Variants in VWA3A observed in about 807,000 individuals in gnomAD.
VWA3A encodes von Willebrand factor A domain-containing protein 3A.
VWA3A carries 134 observed loss-of-function variants against 160.4 expected under a neutral mutation model. That is an observed-to-expected ratio of 0.84 (90% CI 0.73 to 0.96). VWA3A has a LOEUF of 0.96. Among genes scored for constraint, VWA3A ranks in the 40% least tolerant of loss-of-function variants. The pLI is 0.00. For missense variants in VWA3A, 1,310 were observed against 1,447.9 expected (o/e 0.90, Z 1.55); for synonymous variants, 476 against 543.4 (o/e 0.88, Z 1.72).
At chr16:22,100,749 G>A (rs529535291) in intron 5 of VWA3A, among the ~76,000 whole-genome samples, 11 of 151,468 alleles carry the variant, frequency 7.3e-5, no homozygotes, top group Admixed American at 1.3e-4. Flanking sequence ...TCTGAGGCAG[G>A]AGAATCGCTT....
intron 3 of VWA3A, among the ~76,000 whole-genome samples, chr16:22,098,936 AAAT>A (rs751264520): frequency 3.3e-5 from 5 of 150,806 alleles, no homozygotes; most frequent in Non-Finnish European, 4.4e-5. Context: ...AAAAAAAAAA[AAAT>A]ACACAAATTA....
At chr16:22,122,708 G>A (rs1418851802) in intron 14 of VWA3A, among the ~76,000 whole-genome samples, 1 of 152,188 alleles carries the variant, frequency 6.6e-6, no homozygotes, top group Non-Finnish European at 1.5e-5. Flanking sequence ...AACCTAAGAA[G>A]CTATGGCCAG....
chr16:22,148,949 AGTT>A (rs1316257194), intron 28 of VWA3A, among the ~76,000 whole-genome samples: 1 of 151,996 alleles, frequency 6.6e-6, no homozygotes, highest in Admixed American at 6.6e-5. Context: ...GAGTGGAGGA[AGTT>A]GTTTATTTTC....
chr16:22,132,382 C>CAA (rs775248257), intron 19 of VWA3A, among the ~76,000 whole-genome samples: 1 of 115,224 alleles, frequency 8.7e-6, no homozygotes. Flanking sequence ...AACTCCATCT[C>CAA]AAAAAAAAAA....
At chr16:22,141,076 G>A (rs2046138690) in intron 23 of VWA3A, 1 of 408,144 alleles carries the variant, frequency 2.5e-6, no homozygotes, top group African/African-American at 2.1e-5. Flanking sequence ...CTATTGTACT[G>A]ACAAAGGAAC....
intron 1 of VWA3A, among the ~76,000 whole-genome samples, chr16:22,094,680 G>A (rs982281000): frequency 3.3e-5 from 5 of 152,104 alleles, no homozygotes; most frequent in African/African-American, 1.2e-4. Context: ...AAGAACCAAG[G>A]CAGGTTGGGC....
chr16:22,127,326 A>G (rs1216317275), intron 17 of VWA3A, among the ~76,000 whole-genome samples: 24 of 151,960 alleles, frequency 1.6e-4, no homozygotes, highest in Admixed American at 1.2e-3. Flanking sequence ...GGGGTTCACC[A>G]TGTTGGCCAG....
chr16:22,099,546 G>A (rs1368025414), intron 3 of VWA3A, among the ~76,000 whole-genome samples: 3 of 152,202 alleles, frequency 2.0e-5, no homozygotes, highest in East Asian at 1.9e-4. Context: ...GTTAACGTAC[G>A]GAAAGTGCTT....
intron 11 of VWA3A, among the ~76,000 whole-genome samples, chr16:22,117,708 G>A (rs1276477823): frequency 2.6e-5 from 4 of 152,220 alleles, no homozygotes. Flanking sequence ...AAACATGTGT[G>A]TAGATCCATT....
intron 13 of VWA3A, 70 bp downstream of exon 13, chr16:22,121,173 C>A: frequency 6.2e-7 from 1 of 1,603,068 alleles, no homozygotes; most frequent in Admixed American, 1.7e-5. Flanking sequence ...CGGCCGGGCA[C>A]AGTGGCTCAC....
chr16:22,146,154 G>T, intron 26 of VWA3A, 82 bp from the exon 27 acceptor site: 1 of 1,147,840 alleles, frequency 8.7e-7, no homozygotes, highest in South Asian at 1.4e-5. Context: ...AACCACAATG[G>T]AATAAACAAT....
rs72640484 is a variant in VWA3A, at chr16:22,100,383, G to A, written c.351-33G>A. The A allele has an allele frequency of 0.02, 30,346 of 1,551,594 alleles. 3,446 individuals are homozygous for A. The East Asian group carries it at 0.39, about 20-fold the overall frequency. On this transcript the variant is annotated intron_variant, in intron 4 of 33. Coordinates refer to ENST00000389398, the MANE Select transcript of VWA3A (RefSeq NM_173615.5). Reference sequence around the variant, plus strand: ...GTGACACATGCAACCCCCTGGGCCCGAGAGATCCCCTCATAAGGCTTTGCT... The same window carrying A: ...GTGACACATGCAACCCCCTGGGCCCAAGAGATCCCCTCATAAGGCTTTGCT...
Position 22,116,843 on chromosome 16 carries a change from C to G in VWA3A, c.900C>G (p.Tyr300Ter), listed in dbSNP as rs756936848. 6.2e-7 allele frequency: 1 copy of G among 1,613,206 alleles called. No individual in the cohort carries two copies. The highest frequency in any genetic ancestry group is 1.1e-5 in the South Asian group (1 of 91,084). Residue 300 changes from tyrosine (Y) to a stop codon, truncating the protein, a stop_gained, in exon 10 of 34, where the codon TAC (tyrosine) becomes TAG (stop). Coordinates refer to ENST00000389398, the MANE Select transcript of VWA3A (RefSeq NM_173615.5). LOFTEE classifies it high-confidence loss of function. Reference sequence around the variant, plus strand: ...ACCTCATCATCCACTTCATCACCTACAGATGCGATGATCAGATGCCCCCTG... The same window carrying G: ...ACCTCATCATCCACTTCATCACCTAGAGATGCGATGATCAGATGCCCCCTG... ...GRDLIIHFIT[Y>*]RCDDQMPPAV...
chr16:22,128,629 G>A (rs560082495), intron 17 of VWA3A, among the ~76,000 whole-genome samples: 3 of 152,300 alleles, frequency 2.0e-5, no homozygotes, highest in South Asian at 2.1e-4. Flanking sequence ...ACAAATGCAT[G>A]TATATGTGCA....
chr16:22,102,638 CT>C, intron 5 of VWA3A, among the ~76,000 whole-genome samples: 2 of 152,300 alleles, frequency 1.3e-5, no homozygotes, highest in Non-Finnish European at 2.9e-5. Flanking sequence ...CCCCCAGCTA[CT>C]TTTCAGAAAC....
intron 12 of VWA3A, 92 bp from the exon 13 acceptor site, chr16:22,120,876 T>C: frequency 6.7e-7 from 1 of 1,494,276 alleles, no homozygotes; most frequent in Non-Finnish European, 9.1e-7. Context: ...TTTAAGAAGC[T>C]CCACTTGCAT....
rs1199792206 is a variant in VWA3A, at chr16:22,123,605, T to G, written c.1438-8T>G. On this transcript the variant is annotated splice_polypyrimidine_tract_variant and splice_region_variant and intron_variant, in intron 15 of 33. Transcript: ENST00000389398. Reference sequence around the variant, plus strand: ...AGCAGCCGCTCACTGTGGCCCACACTTCTGCAGCAACAGCTCAGCAGAGCT... The same window carrying G: ...AGCAGCCGCTCACTGTGGCCCACACGTCTGCAGCAACAGCTCAGCAGAGCT... 2.5e-6 allele frequency: 4 copies of G among 1,613,884 alleles called. No individual in the cohort carries two copies. The highest frequency in any genetic ancestry group is 3.4e-6 in the Non-Finnish European group (4 of 1,179,838).
At chr16:22,098,589 T>C (rs899189609) in intron 3 of VWA3A, among the ~76,000 whole-genome samples, 1 of 152,116 alleles carries the variant, frequency 6.6e-6, no homozygotes, top group Non-Finnish European at 1.5e-5. Flanking sequence ...AGGGAAAGGA[T>C]TGCTCCAACA....
At chr16:22,123,457 A>C (rs770084937) in intron 15 of VWA3A, 156 bp from the exon 16 acceptor site, 3 of 1,547,646 alleles carry the variant, frequency 1.9e-6, no homozygotes, top group Non-Finnish European at 2.6e-6. Flanking sequence ...CTTGTGGTGA[A>C]TTTGTTCATG....
Sources: allele counts gnomAD v4.1 joint callset (sites outside exome capture counted in the v4.1 genomes callset), GRCh38; gene constraint gnomAD v4.1.1; transcripts MANE v1.5; gene names NCBI Gene and HGNC (gene_info 2026-07-23, HGNC 2026-07-21).